Variants in RAB11FIP3 observed in about 807,000 individuals in gnomAD.
RAB11FIP3 encodes the protein rab11 family-interacting protein 3.
A neutral mutation model predicts 77.8 loss-of-function variants in RAB11FIP3; 17 were observed. That is an observed-to-expected ratio of 0.22 (90% CI 0.15 to 0.33). RAB11FIP3 has a LOEUF of 0.33. RAB11FIP3 is among the 10% of genes least tolerant of loss of function. The pLI, the probability that RAB11FIP3 is intolerant of heterozygous loss-of-function variation, is 1.00. For synonymous variants in RAB11FIP3, 437 were observed against 448.2 expected, an observed-to-expected ratio of 0.98 and a Z score of 0.31; for missense variants, 1,005 against 1,011.2, an observed-to-expected ratio of 0.99 and a Z score of 0.08.
chr16:467,305 C>T (rs555328325), intron 2 of RAB11FIP3, among the ~76,000 whole-genome samples: 1 of 152,290 alleles, frequency 6.6e-6, no homozygotes, highest in South Asian at 2.1e-4. Context: ...CTCCAGGCTC[C>T]TGAAGAGGAT....
chr16:497,678 TCCCTGGC>T (rs1290761669), intron 6 of RAB11FIP3, among the ~76,000 whole-genome samples: 1 of 152,102 alleles, frequency 6.6e-6, no homozygotes, highest in African/African-American at 2.4e-5. Flanking sequence ...ATCCTCTAGC[TCCCTGGC>T]CCCGTCTTCC....
At chr16:430,731 A>G (rs996716115) in intron 1 of RAB11FIP3, among the ~76,000 whole-genome samples, 1 of 151,686 alleles carries the variant, frequency 6.6e-6, no homozygotes, top group South Asian at 2.1e-4. Context: ...ATTTAAAAAA[A>G]TTGGCTGGGT....
chr16:454,773 G>A (rs565265225), intron 1 of RAB11FIP3, among the ~76,000 whole-genome samples: 6 of 152,192 alleles, frequency 3.9e-5, no homozygotes, highest in Non-Finnish European at 7.4e-5. Context: ...TTGGCCGGGC[G>A]CAGTGGCTCA....
In RAB11FIP3 at chr16:505,492, G is replaced by T; in HGVS notation, c.1396-32G>T. On this transcript the variant is annotated intron_variant, in intron 7 of 13. Coordinates refer to ENST00000262305, the MANE Select transcript of RAB11FIP3 (RefSeq NM_014700.4). This position sits in a 1 kb window ranked among gnomAD's most constrained non-coding sequence, Gnocchi z 4.0. ...GGTGCAGGCCCTTCTGCTTCTGGCT[G>T]CCTGACCCTGAAGCCTGGTCTCATT... The T allele has an allele frequency of 1.3e-6, 2 of 1,569,512 alleles. No homozygotes were observed.
chr16:431,468 C>T (rs2055034851), intron 1 of RAB11FIP3, among the ~76,000 whole-genome samples: 1 of 151,976 alleles, frequency 6.6e-6, no homozygotes, highest in African/African-American at 2.4e-5. Flanking sequence ...CAACCTCCAC[C>T]ACGTGGGTTC....
chr16:484,493 A>G (rs1279253330), intron 4 of RAB11FIP3, among the ~76,000 whole-genome samples: 1 of 152,114 alleles, frequency 6.6e-6, no homozygotes, highest in East Asian at 1.9e-4. Flanking sequence ...CTGGGATTAC[A>G]GGCGCCCGCC....
intron 1 of RAB11FIP3, among the ~76,000 whole-genome samples, chr16:430,884 T>A (rs1216340290): frequency 6.6e-6 from 1 of 152,204 alleles, no homozygotes; most frequent in African/African-American, 2.4e-5. Flanking sequence ...TATAGTATAG[T>A]GATACTGCCC....
At chr16:492,540 A>AGGGCCCTCCCCGGGAGACCCGAGGCC (rs2030655052) in intron 5 of RAB11FIP3, among the ~76,000 whole-genome samples, 2 of 137,798 alleles carry the variant, frequency 1.5e-5, no homozygotes, top group African/African-American at 3.2e-5. Flanking sequence ...GAGGCCGTCC[A>AGGGCCCTCCCCGGGAGACCCGAGGCC]GAATCTTGGA....
intron 3 of RAB11FIP3, chr16:474,959 G>A: frequency 6.5e-7 from 1 of 1,549,530 alleles, no homozygotes; most frequent in Non-Finnish European, 8.7e-7. Flanking sequence ...GTAGGAAGGT[G>A]ACATTGTTGT....
chr16:434,953 C>G (rs2055104171), intron 1 of RAB11FIP3, among the ~76,000 whole-genome samples: 1 of 152,084 alleles, frequency 6.6e-6, no homozygotes, highest in Admixed American at 6.6e-5. Flanking sequence ...CGCCTGTAAT[C>G]CCAGCACTTT....
At chr16:432,355 C>T (rs559222151) in intron 1 of RAB11FIP3, among the ~76,000 whole-genome samples, 4 of 151,862 alleles carry the variant, frequency 2.6e-5, no homozygotes, top group Admixed American at 6.6e-5. Context: ...CCAGCCTGGA[C>T]GACAAGGGTG....
chr16:488,840 T>C lies in RAB11FIP3; in HGVS notation c.1116-11T>C. On this transcript the variant is annotated splice_polypyrimidine_tract_variant and intron_variant, in intron 4 of 13. Coordinates refer to ENST00000262305, the MANE Select transcript of RAB11FIP3 (RefSeq NM_014700.4). ...TCAGTCAGAAGACATCATTTCTGTT[T>C]TACTTTGCAGGCCTCACCCCCATGG... is the stretch of plus-strand genomic sequence containing the variant. 1 of 1,612,140 alleles carries C rather than the reference T, an allele frequency of 6.2e-7. No individual in the cohort carries two copies. The highest frequency in any genetic ancestry group is 1.1e-5 in the South Asian group (1 of 90,936).
At chr16:520,342 G>T in intron 12 of RAB11FIP3, 65 bp downstream of exon 12, 8 of 1,564,928 alleles carry the variant, frequency 5.1e-6, no homozygotes, top group Non-Finnish European at 6.9e-6. Context: ...TGGTTGGGAA[G>T]GGGGGGCCGT....
In RAB11FIP3 at chr16:471,493, C is replaced by A; in HGVS notation, c.903+104C>A. 9.5e-7 allele frequency: 1 copy of A among 1,051,190 alleles called. No homozygotes were observed. The highest frequency in any genetic ancestry group is 1.4e-5 in the South Asian group (1 of 72,322). The allele number at this position is 1,051,190 out of a possible 1,614,324, so 65.1% of individuals were successfully genotyped here. On this transcript the variant is annotated intron_variant, in intron 3 of 13. Coordinates refer to ENST00000262305, the MANE Select transcript of RAB11FIP3 (RefSeq NM_014700.4). The surrounding 1 kb of genome is among the most constrained non-coding windows in gnomAD (Gnocchi z 4.4). Reference sequence around the variant, plus strand: ...GCCTCCGGGCTGTCTTCCGTAGAAGCTGGCGTGAAGGAAGGGCCTCCCGCC... The same window carrying A: ...GCCTCCGGGCTGTCTTCCGTAGAAGATGGCGTGAAGGAAGGGCCTCCCGCC...
At chr16:436,752 G>C (rs749948205) in intron 1 of RAB11FIP3, among the ~76,000 whole-genome samples, 4 of 152,140 alleles carry the variant, frequency 2.6e-5, no homozygotes, top group Admixed American at 6.6e-5. Flanking sequence ...TTACAGATAT[G>C]AGCTACCGCG....
intron 1 of RAB11FIP3, chr16:451,679 C>G (rs1370426034): frequency 6.6e-6 from 1 of 151,752 alleles, no homozygotes; most frequent in African/African-American, 2.4e-5. Context: ...ACTAAAAATA[C>G]AAAAAATTAG....
chr16:488,339 G>A (rs71382280), intron 4 of RAB11FIP3, among the ~76,000 whole-genome samples: 7 of 152,166 alleles, frequency 4.6e-5, no homozygotes, highest in East Asian at 3.9e-4. Context: ...GATATTGCAC[G>A]ACTGCACTCC....
At chr16:450,489 A>G (rs1377359948) in intron 1 of RAB11FIP3, among the ~76,000 whole-genome samples, 1 of 152,162 alleles carries the variant, frequency 6.6e-6, no homozygotes, top group Non-Finnish European at 1.5e-5. Flanking sequence ...CAAGTATTGG[A>G]TAACTTTTTA....
At chr16:443,096 A>G (rs2141864920) in intron 1 of RAB11FIP3, among the ~76,000 whole-genome samples, 1 of 152,230 alleles carries the variant, frequency 6.6e-6, no homozygotes, top group African/African-American at 2.4e-5. Flanking sequence ...AATTTTTAAG[A>G]ACCCTCTTCA....
Sources: allele counts gnomAD v4.1 joint callset (sites outside exome capture counted in the v4.1 genomes callset), GRCh38; gene constraint gnomAD v4.1.1; non-coding constraint Gnocchi (gnomAD v3.1); transcripts MANE v1.5; gene names NCBI Gene and HGNC (gene_info 2026-07-23, HGNC 2026-07-21).